NEDD4: variants seen among roughly 807,000 people sequenced by gnomAD.
The protein encoded by NEDD4 is E3 ubiquitin-protein ligase NEDD4.
NEDD4 carries 99 observed loss-of-function variants against 144.9 expected under a neutral mutation model. The observed-to-expected ratio is 0.68, with a 90% CI of 0.58 to 0.81. The LOEUF (loss-of-function observed/expected upper bound fraction) is 0.81. Ranked by LOEUF, NEDD4 falls within the 30% of genes least tolerant of loss-of-function variation. The probability of loss-of-function intolerance (pLI) is 0.00; values close to 1 mark genes in which losing one functional copy is unlikely to be tolerated. For synonymous variants in NEDD4, 318 were observed against 350.6 expected (o/e 0.91, Z 1.04); for missense variants, 985 against 1,065.9 (o/e 0.92, Z 1.06).
At chr15:55,845,551 G>A (rs1184067307) in intron 18 of NEDD4, among the ~76,000 whole-genome samples, 1 of 151,818 alleles carries the variant, frequency 6.6e-6, no homozygotes, top group East Asian at 1.9e-4. Flanking sequence ...TTTGAGGCCT[G>A]TAATGGCATT....
chr15:55,948,342 T>C (rs867645545), intron 4 of NEDD4, among the ~76,000 whole-genome samples: 2 of 152,164 alleles, frequency 1.3e-5, no homozygotes, highest in African/African-American at 4.8e-5. Flanking sequence ...TACTCATGGA[T>C]AGGAAGAATC....
chr15:55,940,861 A>G (rs1369546276), intron 4 of NEDD4, among the ~76,000 whole-genome samples: 1 of 152,174 alleles, frequency 6.6e-6, no homozygotes, highest in Non-Finnish European at 1.5e-5. Context: ...CATCAAAAAG[A>G]ATGGCAATAT....
rs147724913 is a variant in NEDD4, at chr15:55,879,366, T to C, written c.292-5358A>G. Among the ~76,000 whole-genome samples, 130 of 152,304 alleles carry C rather than the reference T, an allele frequency of 8.5e-4. 1 individual carries two copies. The highest frequency in any genetic ancestry group is 1.8e-4 in the Non-Finnish European group (12 of 68,018). On this transcript the variant is annotated intron_variant, in intron 5 of 28. Coordinates refer to ENST00000435532, the MANE Select transcript of NEDD4 (RefSeq NM_006154.4). ...CTTCCCAGGAAAGAAAATTCCTCTC[T>C]GGAACAACTAAGCAACCCAATGAGA...
chr15:55,852,927 T>G (rs1025500932), intron 12 of NEDD4, among the ~76,000 whole-genome samples: 1 of 151,948 alleles, frequency 6.6e-6, no homozygotes, highest in African/African-American at 2.4e-5. Flanking sequence ...TTTTTTTATT[T>G]TTAGTATCAA....
intron 11 of NEDD4, among the ~76,000 whole-genome samples, chr15:55,857,112 CA>C: frequency 6.6e-6 from 1 of 151,976 alleles, no homozygotes; most frequent in East Asian, 1.9e-4. Flanking sequence ...AGCAAGTTAC[CA>C]AAAAGTATGT....
Position 55,881,802 on chromosome 15 carries a change from C to G in NEDD4, c.292-7794G>C, listed in dbSNP as rs77199034. Among the ~76,000 whole-genome samples the G allele has an allele frequency of 6.5e-3, 994 of 152,162 alleles. 45 individuals are homozygous for G. In the East Asian group the frequency reaches 0.14, roughly 21 times the overall value. ...TCACTAGAGTAATACAGGCACAGAA[C>G]AGGGTTTCTCAGCTTGGGCACTACT... On this transcript the variant is annotated intron_variant, in intron 5 of 28. Transcript: ENST00000435532.
intron 5 of NEDD4, among the ~76,000 whole-genome samples, chr15:55,911,495 C>T (rs1382416543): frequency 6.6e-6 from 1 of 152,124 alleles, no homozygotes; most frequent in East Asian, 1.9e-4. Flanking sequence ...TTTTCATACA[C>T]ACCTCTATTT....
Position 55,986,579 on chromosome 15 carries a change from G to A in NEDD4, c.45+6932C>T, listed in dbSNP as rs1364128761. Among the ~76,000 whole-genome samples, 3 of 117,312 alleles carry A rather than the reference G, an allele frequency of 2.6e-5. No individual in the cohort carries two copies. In the Admixed American group the frequency reaches 2.7e-4, roughly 11 times the overall value. 77.0% of individuals were successfully genotyped at this position (117,312 alleles called of 152,430 possible). A position where few individuals can be genotyped will look rare whatever the true frequency, so the allele number is the denominator to read the frequency against. ...ATCGTAGGATGTAAGGCCTGTCCTTGCTTTTTTTTTTTTTTTTTTTTTTTT... is the reference window on the plus strand; with the variant it reads ...ATCGTAGGATGTAAGGCCTGTCCTTACTTTTTTTTTTTTTTTTTTTTTTTT... On this transcript the variant is annotated intron_variant, in intron 1 of 28. Transcript: ENST00000435532.
chr15:55,843,362 G>A (rs970185786), intron 18 of NEDD4, among the ~76,000 whole-genome samples: 2 of 152,212 alleles, frequency 1.3e-5, no homozygotes, highest in African/African-American at 4.8e-5. Context: ...AACTGAAGAA[G>A]ACGACTTAAG....
chr15:55,914,426 G>A (rs2036370177), intron 5 of NEDD4, among the ~76,000 whole-genome samples: 1 of 151,664 alleles, frequency 6.6e-6, no homozygotes, highest in African/African-American at 2.4e-5. Flanking sequence ...ATTACATAAA[G>A]AACTTTTGGC....
At chr15:55,857,919 G>A (rs779082267) in intron 11 of NEDD4, among the ~76,000 whole-genome samples, 5 of 152,076 alleles carry the variant, frequency 3.3e-5, no homozygotes, top group African/African-American at 7.2e-5. Context: ...CAGCCTGGGC[G>A]ACAGAGTGAG....
chr15:55,947,413 A>C (rs1407513363), intron 4 of NEDD4, among the ~76,000 whole-genome samples: 1 of 152,240 alleles, frequency 6.6e-6, no homozygotes, highest in Admixed American at 6.5e-5. Context: ...TAGAAAAGCT[A>C]GAAGAAATGG....
At position 55,863,006 on chromosome 15, in the gene NEDD4, G is replaced by C. The variant is rs551018387; in HGVS notation, c.581C>G (p.Pro194Arg). Residue 194 changes from proline to arginine, a missense_variant, in exon 9 of 29, where the codon CCT (proline) becomes CGT (arginine). Pro to Arg is a moderately radical substitution (Grantham distance 103). Transcript: ENST00000435532. Reference protein sequence around the residue: ...LQQQQEPSPLPPGWEERQDIL... With the variant: ...LQQQQEPSPLRPGWEERQDIL... The stretch of plus-strand genomic sequence containing the variant: ...ATCCTGCCTCTCTTCCCACCCTGGA[G>C]GTAGAGGAGAAGGTTCTTGTTGTTG... 1.2e-6 allele frequency: 2 copies of C among 1,607,472 alleles called. No individual in the cohort carries two copies. The highest frequency in any genetic ancestry group is 3.3e-5 in the Admixed American group (2 of 59,838).
At chr15:55,849,387 G>C (rs2142004177) in intron 14 of NEDD4, among the ~76,000 whole-genome samples, 1 of 152,034 alleles carries the variant, frequency 6.6e-6, no homozygotes, top group African/African-American at 2.4e-5. Flanking sequence ...ACCATGCCTA[G>C]CTAATTTTTG....
chr15:55,870,504 CTTTT>C (rs1200571286), intron 7 of NEDD4, among the ~76,000 whole-genome samples: 1 of 144,502 alleles, frequency 6.9e-6, no homozygotes, highest in Non-Finnish European at 1.5e-5. Flanking sequence ...GCTGCTGCTG[CTTTT>C]TTTTTCTTCT....
intron 5 of NEDD4, among the ~76,000 whole-genome samples, chr15:55,889,031 G>A (rs1358640939): frequency 1.3e-5 from 2 of 152,152 alleles, no homozygotes; most frequent in Admixed American, 1.3e-4. Flanking sequence ...GCAGACATTG[G>A]AGAAGGCAAA....
intron 1 of NEDD4, among the ~76,000 whole-genome samples, chr15:55,976,622 CA>C (rs754034730): frequency 0.025 from 3,052 of 122,130 alleles, 63 homozygotes; most frequent in African/African-American, 0.06. Context: ...CCAATCTGGG[CA>C]AAAATTTTTT....
chr15:55,990,182 A>G (rs1007466024), intron 1 of NEDD4, among the ~76,000 whole-genome samples: 3 of 151,862 alleles, frequency 2.0e-5, no homozygotes, highest in Admixed American at 6.6e-5. Flanking sequence ...ACATATCACA[A>G]TGTAATCATA....
intron 13 of NEDD4, among the ~76,000 whole-genome samples, chr15:55,851,704 C>T (rs1412213752): frequency 6.6e-6 from 1 of 151,754 alleles, no homozygotes; most frequent in South Asian, 2.1e-4. Context: ...CTTGAACTCC[C>T]GACCTCAGGT....
Sources: allele counts gnomAD v4.1 joint callset (sites outside exome capture counted in the v4.1 genomes callset), GRCh38; gene constraint gnomAD v4.1.1; transcripts MANE v1.5; gene names NCBI Gene and HGNC (gene_info 2026-07-23, HGNC 2026-07-21).